Variants in TMEM120B observed in about 807,000 individuals in gnomAD.
The protein encoded by TMEM120B is transmembrane protein 120B.
A neutral mutation model predicts 55.5 loss-of-function variants in TMEM120B; 31 were observed. The ratio of observed to expected loss-of-function variants is 0.56; its 90% CI spans 0.42 to 0.75. TMEM120B has a LOEUF of 0.75. Among genes scored for constraint, TMEM120B ranks in the 30% least tolerant of loss-of-function variants. The pLI, the probability that TMEM120B is intolerant of heterozygous loss-of-function variation, is 0.00. For missense variants in TMEM120B, 399 were observed against 425.5 expected, an observed-to-expected ratio of 0.94 and a Z score of 0.55; for synonymous variants, 203 against 176.3, an observed-to-expected ratio of 1.15 and a Z score of -1.20.
At chr12:121,738,033 A>T (rs918454028) in intron 1 of TMEM120B, among the ~76,000 whole-genome samples, 6 of 151,534 alleles carry the variant, frequency 4.0e-5, no homozygotes, top group Non-Finnish European at 8.8e-5. Flanking sequence ...AAAAAAAGAA[A>T]GTCCAGGCAC....
chr12:121,770,855 G>T, intron 6 of TMEM120B, 52 bp from the exon 7 acceptor site: 1 of 1,560,816 alleles, frequency 6.4e-7, no homozygotes. Flanking sequence ...CGAGACACAT[G>T]CCTGCGTTGC....
chr12:121,715,344 A>G (rs1419848961), intron 1 of TMEM120B, among the ~76,000 whole-genome samples: 1 of 152,206 alleles, frequency 6.6e-6, no homozygotes, highest in Admixed American at 6.5e-5. Context: ...AAAACAAAAC[A>G]AAACAAAAAA....
rs1874417857 is a variant in TMEM120B at position 121,780,683 on chromosome 12, A to G, written c.*4961A>G. ...TGAACAGCGCCTGCCTCCGAGTCCT[A>G]AGGATTGGGAGTAGTCGTGTAAAGT... On this transcript the variant is annotated 3_prime_UTR_variant, in exon 12 of 12. Transcript: ENST00000449592. 3.1e-6 allele frequency: 2 copies of G among 651,136 alleles called. No individual in the cohort carries two copies. The highest frequency in any genetic ancestry group is 5.1e-6 in the Non-Finnish European group (2 of 390,210). The allele number at this position is 651,136 out of a possible 1,614,324, so 40.3% of individuals were successfully genotyped here. A position where few individuals can be genotyped will look rare whatever the true frequency, so the allele number is the denominator to read the frequency against.
At position 121,779,421 on chromosome 12, in the gene TMEM120B, G is replaced by A. The variant is rs1874357626; in HGVS notation, c.*3699G>A. 2.6e-6 allele frequency: 4 copies of A among 1,512,102 alleles called. No individual in the cohort carries two copies. The East Asian group carries it at 9.1e-5, about 34-fold the overall frequency. 93.7% of individuals were successfully genotyped at this position (1,512,102 alleles called of 1,614,324 possible). On this transcript the variant is annotated 3_prime_UTR_variant, in exon 12 of 12. Coordinates refer to ENST00000449592, the MANE Select transcript of TMEM120B (RefSeq NM_001080825.2). ...CACCATGAGCTGGAGGGTCGGGATG[G>A]GGCAGCCTCCCTGGTGCAATCGGCA...
rs1248488560 is a variant in TMEM120B at position 121,781,049 on chromosome 12, G to A, written c.*5327G>A. 1.9e-6 allele frequency: 3 copies of A among 1,613,816 alleles called. No individual in the cohort carries two copies. The highest frequency in any genetic ancestry group is 2.5e-6 in the Non-Finnish European group (3 of 1,179,868). On this transcript the variant is annotated 3_prime_UTR_variant, in exon 12 of 12. Transcript: ENST00000449592. Reference sequence around the variant, plus strand: ...GGGATCAGGGGTGCGGCCGGGCCCAGATGTGGGGCCACCACCCAGGAGGCC... The same window carrying A: ...GGGATCAGGGGTGCGGCCGGGCCCAAATGTGGGGCCACCACCCAGGAGGCC...
At chr12:121,741,228 A>C (rs1872926065) in intron 1 of TMEM120B, among the ~76,000 whole-genome samples, 1 of 152,178 alleles carries the variant, frequency 6.6e-6, no homozygotes, top group South Asian at 2.1e-4. Context: ...TGGGGGATAA[A>C]GCAAATACAG....
intron 1 of TMEM120B, among the ~76,000 whole-genome samples, chr12:121,734,668 CT>C (rs764594381): frequency 3.3e-5 from 5 of 152,018 alleles, no homozygotes; most frequent in Non-Finnish European, 7.4e-5. Flanking sequence ...AATCCCAGCA[CT>C]TTGCGAGGCT....
At chr12:121,713,882 C>T (rs1427833529) in intron 1 of TMEM120B, among the ~76,000 whole-genome samples, 4 of 152,162 alleles carry the variant, frequency 2.6e-5, no homozygotes, top group African/African-American at 9.7e-5. Flanking sequence ...CCTGAAATTA[C>T]ATTGCACACT....
At chr12:121,746,164 G>A (rs908562943) in intron 2 of TMEM120B, among the ~76,000 whole-genome samples, 2 of 150,800 alleles carry the variant, frequency 1.3e-5, no homozygotes, top group Non-Finnish European at 2.9e-5. Flanking sequence ...CCCAGCCCCT[G>A]GTTGTTTTCT....
At chr12:121,733,469 C>T (rs1895041781) in intron 1 of TMEM120B, among the ~76,000 whole-genome samples, 1 of 151,712 alleles carries the variant, frequency 6.6e-6, no homozygotes, top group South Asian at 2.1e-4. Flanking sequence ...TGGGTTTGAT[C>T]TCCTGACCTC....
chr12:121,716,059 C>T (rs552795046), intron 1 of TMEM120B, among the ~76,000 whole-genome samples: 1 of 149,994 alleles, frequency 6.7e-6, no homozygotes, highest in East Asian at 1.9e-4. Flanking sequence ...TTTGGGAGGA[C>T]AAGTTGGGAG....
At chr12:121,746,192 T>TCCCCC (rs1566514839) in intron 2 of TMEM120B, among the ~76,000 whole-genome samples, 1 of 140,746 alleles carries the variant, frequency 7.1e-6, no homozygotes, top group African/African-American at 2.8e-5. Flanking sequence ...CCCCCCCACT[T>TCCCCC]TTTTTTTTTT....
intron 8 of TMEM120B, among the ~76,000 whole-genome samples, chr12:121,772,048 T>TCTTTCTCTTTCTTC (rs1874073629): frequency 4.6e-5 from 6 of 129,330 alleles, no homozygotes; most frequent in Non-Finnish European, 8.0e-5. Flanking sequence ...TCTCTTTCTT[T>TCTTTCTCTTTCTTC]CTTTCTTTTT....
At chr12:121,755,637 C>T (rs1873455519) in intron 5 of TMEM120B, among the ~76,000 whole-genome samples, 1 of 152,116 alleles carries the variant, frequency 6.6e-6, no homozygotes, top group African/African-American at 2.4e-5. Flanking sequence ...CCAAGACAAG[C>T]ATTTTAGTGC....
Position 121,713,801 on chromosome 12 carries a change from C to T in TMEM120B, c.69+837C>T, listed in dbSNP as rs182380253. ...ACCTTGGGGTTGACCAAGAGGGACT[C>T]GGTGACTATTTTTGAAGACAGGGCT... On this transcript the variant is annotated intron_variant, in intron 1 of 11. Coordinates refer to ENST00000449592, the MANE Select transcript of TMEM120B (RefSeq NM_001080825.2). Among the ~76,000 whole-genome samples, 66 of 152,260 alleles carry T rather than the reference C, an allele frequency of 4.3e-4. 1 individual carries two copies. The East Asian group carries it at 0.011, about 25-fold the overall frequency.
At chr12:121,765,599 T>G (rs995147411) in intron 6 of TMEM120B, among the ~76,000 whole-genome samples, 17 of 152,218 alleles carry the variant, frequency 1.1e-4, no homozygotes, top group African/African-American at 4.1e-4. Flanking sequence ...ATGCATTATC[T>G]TCTATTTAGG....
At chr12:121,735,403 A>AT (rs201578509) in intron 1 of TMEM120B, among the ~76,000 whole-genome samples, 175 of 145,866 alleles carry the variant, frequency 1.2e-3, no homozygotes, top group East Asian at 4.8e-3. Flanking sequence ...ATATTACCAG[A>AT]TTTTTTTTTT....
At chr12:121,726,081 G>T (rs1358091338) in intron 1 of TMEM120B, among the ~76,000 whole-genome samples, 2 of 151,636 alleles carry the variant, frequency 1.3e-5, no homozygotes, top group Non-Finnish European at 2.9e-5. Flanking sequence ...CAGAAAGGTG[G>T]TTAAAGGTTG....
At chr12:121,727,927 T>G (rs986452602) in intron 1 of TMEM120B, among the ~76,000 whole-genome samples, 1 of 151,472 alleles carries the variant, frequency 6.6e-6, no homozygotes, top group Non-Finnish European at 1.5e-5. Context: ...GTTCAGAGCT[T>G]CTTTTCTTAA....
Sources: gnomAD v4.1 joint callset for allele counts (sites outside exome capture counted in the v4.1 genomes callset) on GRCh38, gnomAD v4.1.1 for gene constraint, MANE v1.5 for transcripts, NCBI Gene and HGNC (gene_info 2026-07-23, HGNC 2026-07-21) for gene names.